CYB561D2: variants seen among roughly 807,000 people sequenced by gnomAD.
CYB561D2 encodes transmembrane reductase CYB561D2.
A neutral mutation model predicts 20.2 loss-of-function variants in CYB561D2; 16 were observed. That is an observed-to-expected ratio of 0.79 (90% CI 0.53 to 1.20). The LOEUF (loss-of-function observed/expected upper bound fraction) is 1.20. CYB561D2 is among the 50% of genes most tolerant of loss of function. The pLI, the probability that CYB561D2 is intolerant of heterozygous loss-of-function variation, is 0.00. For synonymous variants in CYB561D2, 135 were observed against 128.3 expected, an observed-to-expected ratio of 1.05 and a Z score of -0.35; for missense variants, 247 against 270.3, an observed-to-expected ratio of 0.91 and a Z score of 0.60.
rs1037423431 is a variant in CYB561D2, at chr3:50,353,175, T to C, written c.166-66T>C. On this transcript the variant is annotated intron_variant, in intron 3 of 3. Transcript: ENST00000425346. The stretch of plus-strand genomic sequence containing the variant: ...GACTCACTGGCAGCTAAGGGTTACA[T>C]AAAGCCCTCTTCTCCTCTTCTGGGG... 6 of 1,508,656 alleles carry C rather than the reference T, an allele frequency of 4.0e-6. No homozygotes were observed. The African/African-American group carries it at 8.4e-5, about 21-fold the overall frequency. 93.5% of individuals were successfully genotyped at this position (1,508,656 alleles called of 1,614,324 possible).
chr3:50,352,517 A>T (rs986568440), intron 3 of CYB561D2, among the ~76,000 whole-genome samples: 18 of 148,098 alleles, frequency 1.2e-4, no homozygotes, highest in African/African-American at 4.3e-4. Context: ...AAACAAAAAA[A>T]CCCCCCAAAA....
In CYB561D2 at chr3:50,353,584, G is replaced by C. The variant is rs1703821586; in HGVS notation, c.509G>C (p.Gly170Ala). 6.2e-7 allele frequency: 1 copy of C among 1,613,756 alleles called. No individual in the cohort carries two copies. Among genetic ancestry groups the C allele is most frequent in the Non-Finnish European group, 8.5e-7 (1 of 1,180,040 alleles). The change falls in exon 4 of 4, where the codon GGT becomes GCT. Residue 170 changes from glycine (G) to alanine (A), a missense_variant. Physicochemically the swap from Gly to Ala is moderately conservative, Grantham distance 60. Transcript: ENST00000425346. The part of the protein sequence containing the change: ...ATSGLVGYLL[G>A]SASLLLGMCS... ...TCTGGGCTGGTGGGCTACCTGCTGG[G>C]TAGTGCCAGCCTCTTGCTGGGCATG... is the stretch of plus-strand genomic sequence containing the variant.
intron 2 of CYB561D2, 59 bp from the exon 3 acceptor site, chr3:50,351,950 A>G (rs1168194744): frequency 2.5e-6 from 4 of 1,597,232 alleles, no homozygotes; most frequent in Admixed American, 1.7e-5. Context: ...ACCCTTAAGG[A>G]TTGGTATGGC....
At position 50,351,315 on chromosome 3, in the gene CYB561D2, G is replaced by T; in HGVS notation, c.-25-94G>T. The T allele has an allele frequency of 3.0e-6, 4 of 1,347,782 alleles. No homozygotes were observed. In the South Asian group the frequency reaches 5.5e-5, roughly 19 times the overall value. The allele number at this position is 1,347,782 out of a possible 1,614,324, so 83.5% of individuals were successfully genotyped here. On this transcript the variant is annotated intron_variant, in intron 1 of 3. Coordinates refer to ENST00000425346, the MANE Select transcript of CYB561D2 (RefSeq NM_001291284.2). ...CTGTTCTTTCCTACCATAACTTATT[G>T]GAAGAGGGTGGCATTCCTGCCTTGC...
Position 50,353,487 on chromosome 3 carries a change from G to A in CYB561D2, c.412G>A (p.Gly138Arg), listed in dbSNP as rs1703819480. Reference sequence around the variant, plus strand: ...GTGGGCAGGGCTGCAGTGCTCAGGTGGGGTGGGGCTGCTCTACCCCAAGCT... The same window carrying A: ...GTGGGCAGGGCTGCAGTGCTCAGGTAGGGTGGGGCTGCTCTACCCCAAGCT... ...VLWAGLQCSG[G>R]VGLLYPKLLP... Residue 138 changes from glycine (G) to arginine (R), a missense_variant, in exon 4 of 4, where the codon GGG (glycine) becomes AGG (arginine). By Grantham distance (125) the Gly-to-Arg change is moderately radical. Coordinates refer to ENST00000425346, the MANE Select transcript of CYB561D2 (RefSeq NM_001291284.2). 1.2e-6 allele frequency: 2 copies of A among 1,613,154 alleles called. No individual in the cohort carries two copies. Among genetic ancestry groups the A allele is most frequent in the Non-Finnish European group, 1.7e-6 (2 of 1,179,984 alleles).
At position 50,353,430 on chromosome 3, in the gene CYB561D2, C is replaced by T. The variant is rs201049905; in HGVS notation, c.355C>T (p.Arg119Trp). ...GCTTGGCAAAGCCCACCTGGTTACG[C>T]GGCATGGGCAGGCAGGGCTGCTGGC... ...EQLGKAHLVTRHGQAGLLAVL... is the reference protein window; with the variant it reads ...EQLGKAHLVTWHGQAGLLAVL... Residue 119 changes from arginine (R) to tryptophan (W), a missense_variant, in exon 4 of 4, where the codon CGG becomes TGG. By Grantham distance (101) the Arg-to-Trp change is moderately radical. Transcript: ENST00000425346. The T allele has an allele frequency of 5.5e-5, 88 of 1,612,978 alleles. No homozygotes were observed. The highest frequency in any genetic ancestry group is 8.9e-5 in the East Asian group (4 of 44,888).
At position 50,353,500 on chromosome 3, in the gene CYB561D2, T is replaced by C. The variant is rs1703819947; in HGVS notation, c.425T>C (p.Leu142Pro). The change falls in exon 4 of 4, where the codon CTC (leucine) becomes CCC (proline). Residue 142 changes from leucine to proline, a missense_variant. Leu to Pro is a moderately conservative substitution (Grantham distance 98). Coordinates refer to ENST00000425346, the MANE Select transcript of CYB561D2 (RefSeq NM_001291284.2). ...GLQCSGGVGL[L>P]YPKLLPRWPL... ...CAGTGCTCAGGTGGGGTGGGGCTGC[T>C]CTACCCCAAGCTGCTGCCCCGATGG... is the stretch of plus-strand genomic sequence containing the variant. The C allele has an allele frequency of 6.2e-7, 1 of 1,613,176 alleles. No individual in the cohort carries two copies. Among genetic ancestry groups the C allele is most frequent in the Non-Finnish European group, 8.5e-7 (1 of 1,179,996 alleles).
In CYB561D2 at chr3:50,351,040, C is replaced by T. The variant is rs1412018752; in HGVS notation, c.-26+56C>T. 7.0e-6 allele frequency: 4 copies of T among 575,004 alleles called. No homozygotes were observed. The East Asian group carries it at 1.3e-4, about 19-fold the overall frequency. The allele number at this position is 575,004 out of a possible 1,614,324, so 35.6% of individuals were successfully genotyped here. On this transcript the variant is annotated intron_variant, in intron 1 of 3. Coordinates refer to ENST00000425346, the MANE Select transcript of CYB561D2 (RefSeq NM_001291284.2). ...TGGCAGCACTTGGGGAGGCGGTGCG[C>T]TAAGGGATTCACGCTGTAACTGGGA...
chr3:50,353,719 T>A lies in CYB561D2; in HGVS notation c.644T>A (p.Leu215Gln), dbSNP rs1360390621. 1 of 1,607,028 alleles carries A rather than the reference T, an allele frequency of 6.2e-7. No homozygotes were observed. Among genetic ancestry groups the A allele is most frequent in the Admixed American group, 1.7e-5 (1 of 59,866 alleles). Reference sequence around the variant, plus strand: ...ATGAACCAGGTGAGCAATGCCTACCTATACCGCAAGAGGATCCAACCATGA... The same window carrying A: ...ATGAACCAGGTGAGCAATGCCTACCAATACCGCAAGAGGATCCAACCATGA... ...VIMNQVSNAY[L>Q]YRKRIQP is the part of the protein sequence containing the mutation. Residue 215 changes from leucine to glutamine, a missense_variant, in exon 4 of 4, where the codon CTA becomes CAA. Coordinates refer to ENST00000425346, the MANE Select transcript of CYB561D2 (RefSeq NM_001291284.2).
chr3:50,351,196 C>T (rs1703749872), intron 1 of CYB561D2: 2 of 542,298 alleles, frequency 3.7e-6, no homozygotes, highest in Non-Finnish European at 6.2e-6. Context: ...GAAGGCGGGC[C>T]AGCGATTGGT....
intron 2 of CYB561D2, 74 bp downstream of exon 2, chr3:50,351,634 C>T: frequency 6.4e-7 from 1 of 1,559,060 alleles, no homozygotes; most frequent in Non-Finnish European, 8.7e-7. Flanking sequence ...AGTGGGACTT[C>T]CGGGAACAGG....
intron 2 of CYB561D2, 109 bp from the exon 3 acceptor site, chr3:50,351,900 G>A: frequency 7.5e-7 from 1 of 1,337,772 alleles, no homozygotes; most frequent in Non-Finnish European, 1.1e-6. Context: ...CTCACAGTTT[G>A]GCAGCACCTC....
Position 50,351,390 on chromosome 3 carries a change from C to CACGCT in CYB561D2, c.-25-16_-25-12dup, listed in dbSNP as rs761505567. 4.4e-6 allele frequency: 7 copies of CACGCT among 1,596,918 alleles called. No individual in the cohort carries two copies. The East Asian group carries it at 1.6e-4, about 36-fold the overall frequency. Reference sequence around the variant, plus strand: ...ACAGTGGGCACCTGAGATCCTGGCCCACGCTACTATGCTTTCAGGCTACAA... The same window carrying CACGCT: ...ACAGTGGGCACCTGAGATCCTGGCCCACGCTACGCTACTATGCTTTCAGGCTACAA... On this transcript the variant is annotated intron_variant, in intron 1 of 3. Transcript: ENST00000425346.
chr3:50,353,904 G>C lies in CYB561D2; in HGVS notation c.*160G>C, dbSNP rs1316879728. 1.3e-6 allele frequency: 1 copy of C among 781,750 alleles called. No homozygotes were observed. Among genetic ancestry groups the C allele is most frequent in the Non-Finnish European group, 2.0e-6 (1 of 503,008 alleles). 48.4% of individuals were successfully genotyped at this position (781,750 alleles called of 1,614,324 possible). On this transcript the variant is annotated 3_prime_UTR_variant, in exon 4 of 4. Coordinates refer to ENST00000425346, the MANE Select transcript of CYB561D2 (RefSeq NM_001291284.2). Reference sequence around the variant, plus strand: ...GTGAATTCCTGCTCCTCATGCTGGAGTGCCTCCCATTTCCTTCCCCTTTCT... The same window carrying C: ...GTGAATTCCTGCTCCTCATGCTGGACTGCCTCCCATTTCCTTCCCCTTTCT...
rs1241604288 is a variant in CYB561D2 at position 50,351,444 on chromosome 3, C to G, written c.11C>G (p.Ser4Cys). ...CTAGCACGGCTGACGATGGCCCTTTCTGCGGAGACCGAGTCACACATCTAC... is the reference window on the plus strand; with the variant it reads ...CTAGCACGGCTGACGATGGCCCTTTGTGCGGAGACCGAGTCACACATCTAC... MAL[S>C]AETESHIYRA... Residue 4 changes from serine (S) to cysteine (C), a missense_variant, in exon 2 of 4, where the codon TCT becomes TGT. Ser to Cys is a moderately radical substitution (Grantham distance 112, BLOSUM62 -1). Transcript: ENST00000425346. 1 of 1,613,608 alleles carries G rather than the reference C, an allele frequency of 6.2e-7. No homozygotes were observed. Among genetic ancestry groups the G allele is most frequent in the Admixed American group, 1.7e-5 (1 of 60,006 alleles).
intron 3 of CYB561D2, among the ~76,000 whole-genome samples, chr3:50,352,486 CAAA>C (rs61695988): frequency 1.2e-5 from 1 of 80,156 alleles, no homozygotes; most frequent in Non-Finnish European, 2.7e-5. Context: ...GGCTCTGTCC[CAAA>C]AAAAAAAAAA....
rs193294004 is a variant in CYB561D2, at chr3:50,353,874, C to T, written c.*130C>T. ...TGGGACAGTTGGGCATTTGGAGGCC[C>T]GTGTGTGAATTCCTGCTCCTCATGC... On this transcript the variant is annotated 3_prime_UTR_variant, in exon 4 of 4. Coordinates refer to ENST00000425346, the MANE Select transcript of CYB561D2 (RefSeq NM_001291284.2). 6.0e-4 allele frequency: 660 copies of T among 1,099,374 alleles called. 5 individuals are homozygous for T. The Admixed American group carries it at 0.012, about 20-fold the overall frequency. 68.1% of individuals were successfully genotyped at this position (1,099,374 alleles called of 1,614,324 possible). A position where few individuals can be genotyped will look rare whatever the true frequency, so the allele number is the denominator to read the frequency against.
At position 50,353,782 on chromosome 3, in the gene CYB561D2, C is replaced by T. The variant is rs1157678556; in HGVS notation, c.*38C>T. Reference sequence around the variant, plus strand: ...CTAGGGGAAGCCTGGATTTGCCCCTCCATGTAGGAGCTGGGCCTAGGGACC... The same window carrying T: ...CTAGGGGAAGCCTGGATTTGCCCCTTCATGTAGGAGCTGGGCCTAGGGACC... On this transcript the variant is annotated 3_prime_UTR_variant, in exon 4 of 4. Coordinates refer to ENST00000425346, the MANE Select transcript of CYB561D2 (RefSeq NM_001291284.2). The T allele has an allele frequency of 1.3e-6, 2 of 1,553,206 alleles. No homozygotes were observed. The highest frequency in any genetic ancestry group is 2.7e-5 in the African/African-American group (2 of 74,206).
chr3:50,352,120 C>G, intron 3 of CYB561D2, 74 bp downstream of exon 3: 1 of 1,523,916 alleles, frequency 6.6e-7, no homozygotes, highest in East Asian at 2.3e-5. Flanking sequence ...GCCTCTGAAT[C>G]TTTGTCCACA....
Sources: gnomAD v4.1 joint callset for allele counts (sites outside exome capture counted in the v4.1 genomes callset) on GRCh38, gnomAD v4.1.1 for gene constraint, MANE v1.5 for transcripts, NCBI Gene and HGNC (gene_info 2026-07-23, HGNC 2026-07-21) for gene names.